The following ATP11C variants were observed in gnomAD, a reference collection of about 807,000 sequenced individuals.
The protein encoded by ATP11C is phospholipid-transporting ATPase IG.
Under a neutral mutation model 97.4 loss-of-function variants are expected in ATP11C, and 36 were observed. That is an observed-to-expected ratio of 0.37 (90% CI 0.28 to 0.49). The LOEUF (loss-of-function observed/expected upper bound fraction) is 0.49, where lower values mean the gene tolerates loss of function less well. ATP11C is among the 20% of genes least tolerant of loss of function. The pLI, the probability that ATP11C is intolerant of heterozygous loss-of-function variation, is 0.98. For missense variants in ATP11C, 730 were observed against 824.6 expected (o/e 0.89, Z 1.40); for synonymous variants, 275 against 290.9 (o/e 0.95, Z 0.56).
chrX:139,782,662 T>C lies in ATP11C; in HGVS notation c.1837A>G (p.Arg613Gly). 3 of 1,207,098 alleles carry C rather than the reference T, an allele frequency of 2.5e-6. No homozygotes were observed. The highest frequency in any genetic ancestry group is 2.2e-6 in the Non-Finnish European group (2 of 892,044). ...GCCATTTTTGCCTCTATGAGCTGTCTGTTAATTCTTTCATAATCATCTGGA... is the reference window on the plus strand; with the variant it reads ...GCCATTTTTGCCTCTATGAGCTGTCCGTTAATTCTTTCATAATCATCTGGA... Reference protein sequence around the residue: ...IAPDDYERINRQLIEAKMALQ... With the variant: ...IAPDDYERINGQLIEAKMALQ... The change falls in exon 18 of 30, where the codon AGA becomes GGA. Residue 613 changes from arginine (R) to glycine (G), a missense_variant. Arg to Gly is a moderately radical substitution (Grantham distance 125). Transcript: ENST00000682941.
chrX:139,757,449 A>C (rs2081959336), intron 23 of ATP11C, among the ~76,000 whole-genome samples: 1 of 112,132 alleles, frequency 8.9e-6, no homozygotes, highest in African/African-American at 3.2e-5. Context: ...TTAAAGATTA[A>C]TGCTTTTCTA....
intron 11 of ATP11C, 74 bp from the exon 12 acceptor site, chrX:139,796,544 T>G: frequency 1.5e-6 from 1 of 675,814 alleles, no homozygotes; most frequent in East Asian, 3.4e-5. Flanking sequence ...AAGGAAGAAT[T>G]AATTTCATCT....
At chrX:139,890,661 A>G (rs905476304) in intron 1 of ATP11C, among the ~76,000 whole-genome samples, 1 of 112,062 alleles carries the variant, frequency 8.9e-6, no homozygotes, top group Non-Finnish European at 1.9e-5. Flanking sequence ...TCATCCAACA[A>G]TTATTTATGG....
chrX:139,779,744 A>G, intron 18 of ATP11C, among the ~76,000 whole-genome samples: 1 of 111,757 alleles, frequency 8.9e-6, no homozygotes, highest in Non-Finnish European at 1.9e-5. Context: ...AGCAGAACTA[A>G]AGTAAATTGA....
chrX:139,922,987 T>C (rs954154251), intron 1 of ATP11C, among the ~76,000 whole-genome samples: 2 of 111,282 alleles, frequency 1.8e-5, no homozygotes, highest in Non-Finnish European at 3.8e-5. Flanking sequence ...GGTTTCACCA[T>C]GTTGGCCAGC....
intron 23 of ATP11C, among the ~76,000 whole-genome samples, chrX:139,756,674 C>T (rs919716878): frequency 3.6e-5 from 4 of 111,091 alleles, no homozygotes; most frequent in African/African-American, 9.8e-5. Context: ...TGCAGCAACA[C>T]GGATGGAGCT....
In ATP11C at chrX:139,728,311, G is replaced by A. The variant is rs1178098763; in HGVS notation, c.*655C>T. 1 of 111,926 alleles carries A rather than the reference G, an allele frequency of 8.9e-6. No individual in the cohort carries two copies. The highest frequency in any genetic ancestry group is 3.2e-5 in the African/African-American group (1 of 30,848). The allele number at this position is 111,926 out of a possible 1,213,427, so 9.2% of individuals were successfully genotyped here. A position where few individuals can be genotyped will look rare whatever the true frequency, so the allele number is the denominator to read the frequency against. ...TTTTTCTATTCCCACAAAAATACCC[G>A]TAAGTTAACACTTTCCACATAAGCG... On this transcript the variant is annotated 3_prime_UTR_variant, in exon 30 of 30. Transcript: ENST00000682941.
intron 1 of ATP11C, among the ~76,000 whole-genome samples, chrX:139,892,010 C>A (rs1182030968): frequency 9.0e-6 from 1 of 110,890 alleles, no homozygotes; most frequent in Admixed American, 9.7e-5. Context: ...GTGCACACCA[C>A]CACGCTTGGC....
chrX:139,866,343 C>CAAAAAAAAA (rs57250412), intron 1 of ATP11C, among the ~76,000 whole-genome samples: 25 of 27,509 alleles, frequency 9.1e-4, no homozygotes, highest in Non-Finnish European at 2.2e-3. Flanking sequence ...GACTCTGTCT[C>CAAAAAAAAA]AAAAAAAAAA....
intron 1 of ATP11C, among the ~76,000 whole-genome samples, chrX:139,879,747 T>TG (rs767763278): frequency 2.7e-5 from 3 of 112,120 alleles, no homozygotes; most frequent in African/African-American, 9.7e-5. Context: ...GAATACCCAT[T>TG]AGGGAATTTG....
intron 1 of ATP11C, among the ~76,000 whole-genome samples, chrX:139,877,525 C>G (rs139806030): frequency 1.8e-5 from 2 of 111,170 alleles, no homozygotes; most frequent in Non-Finnish European, 3.8e-5. Flanking sequence ...GATATACACA[C>G]CTAGTATCAG....
At chrX:139,763,280 C>T (rs369281937) in intron 21 of ATP11C, 36 bp downstream of exon 21, 4 of 1,083,901 alleles carry the variant, frequency 3.7e-6, no homozygotes, top group Non-Finnish European at 1.3e-6. Flanking sequence ...AATACTGATA[C>T]TTTTCACAGC....
intron 5 of ATP11C, among the ~76,000 whole-genome samples, chrX:139,805,782 T>C (rs2083028505): frequency 8.9e-6 from 1 of 112,298 alleles, no homozygotes; most frequent in African/African-American, 3.2e-5. Flanking sequence ...ATTTGCAATA[T>C]GATTCGGCAG....
intron 18 of ATP11C, 106 bp downstream of exon 18, chrX:139,782,437 TAAAC>T: frequency 4.0e-6 from 2 of 494,888 alleles, no homozygotes; most frequent in Non-Finnish European, 6.2e-6. Flanking sequence ...TAAGTCCACT[TAAAC>T]AATAAAACTA....
chrX:139,772,490 C>T (rs1346817261), intron 19 of ATP11C, among the ~76,000 whole-genome samples: 1 of 111,459 alleles, frequency 9.0e-6, no homozygotes, highest in African/African-American at 3.3e-5. Flanking sequence ...ACAGCTTGCA[C>T]TGTGCACCTG....
intron 1 of ATP11C, among the ~76,000 whole-genome samples, chrX:139,863,833 G>A (rs2084241406): frequency 9.0e-6 from 1 of 111,661 alleles, no homozygotes. Flanking sequence ...AGGCTGAGGT[G>A]GGTGGATTGC....
At chrX:139,873,694 G>A (rs1347463969) in intron 1 of ATP11C, among the ~76,000 whole-genome samples, 3 of 73,927 alleles carry the variant, frequency 4.1e-5, no homozygotes, top group Non-Finnish European at 7.0e-5. Context: ...GTAACAGAGC[G>A]AGACTCCAAC....
intron 1 of ATP11C, among the ~76,000 whole-genome samples, chrX:139,912,590 C>A (rs939388044): frequency 1.8e-5 from 2 of 111,255 alleles, no homozygotes; most frequent in Non-Finnish European, 3.8e-5. Context: ...GAAGTTCCCA[C>A]CCCCATACCT....
At chrX:139,774,308 T>C (rs1376570012) in intron 19 of ATP11C, among the ~76,000 whole-genome samples, 1 of 111,999 alleles carries the variant, frequency 8.9e-6, no homozygotes, top group Non-Finnish European at 1.9e-5. Flanking sequence ...CTCCAGAACC[T>C]CAAAATGCAT....
Sources: gnomAD v4.1 joint callset for allele counts (sites outside exome capture counted in the v4.1 genomes callset) on GRCh38, gnomAD v4.1.1 for gene constraint, MANE v1.5 for transcripts, NCBI Gene and HGNC (gene_info 2026-07-23, HGNC 2026-07-21) for gene names.